DHRSX: variants seen among roughly 807,000 people sequenced by gnomAD.
DHRSX encodes polyprenol dehydrogenase.
Under a neutral mutation model 34.0 loss-of-function variants are expected in DHRSX, and 31 were observed. The ratio of observed to expected loss-of-function variants is 0.91; its 90% CI spans 0.69 to 1.23. The LOEUF (loss-of-function observed/expected upper bound fraction) is 1.23, where lower values mean the gene tolerates loss of function less well. Ranked by LOEUF, DHRSX falls within the 50% of genes most tolerant of loss-of-function variation. The probability of loss-of-function intolerance (pLI) is 0.00; values close to 1 mark genes in which losing one functional copy is unlikely to be tolerated. For synonymous variants in DHRSX, 201 were observed against 183.8 expected, an observed-to-expected ratio of 1.09 and a Z score of -0.76; for missense variants, 414 against 428.1, an observed-to-expected ratio of 0.97 and a Z score of 0.29.
At chrX:2,224,689 CAAAT>C (rs1399000135) in intron 6 of DHRSX, among the ~76,000 whole-genome samples, 8 of 152,032 alleles carry the variant, frequency 5.3e-5, no homozygotes, top group Admixed American at 2.0e-4. Flanking sequence ...CACATGCACA[CAAAT>C]ATATATACAC....
rs145841322 is a variant in DHRSX at position 2,364,880 on chromosome X, A to G, written c.286+43865T>C. On this transcript the variant is annotated intron_variant, in intron 3 of 6. Coordinates refer to ENST00000334651, the MANE Select transcript of DHRSX (RefSeq NM_145177.3). ...CATTGATCACAATCTATCATTGACC[A>G]TTACTATCTATCTAGCTATTATCTA... 4.9e-3 allele frequency among the ~76,000 whole-genome samples: 744 copies of G among 152,294 alleles called. 12 individuals carry two copies. Among genetic ancestry groups the G allele is most frequent in the African/African-American group, 0.017 (703 of 41,566 alleles).
intron 2 of DHRSX, among the ~76,000 whole-genome samples, chrX:2,411,457 G>T (rs1161684228): frequency 6.6e-6 from 1 of 150,946 alleles, no homozygotes; most frequent in Non-Finnish European, 1.5e-5. Context: ...GCGGAGGCAG[G>T]AGAATTGCTT....
intron 5 of DHRSX, among the ~76,000 whole-genome samples, chrX:2,245,580 G>A (rs1251184269): frequency 6.6e-6 from 1 of 151,102 alleles, no homozygotes. Flanking sequence ...AAAGTGCTGG[G>A]ATTACAGGCG....
chrX:2,330,057 A>T (rs2042437857), intron 3 of DHRSX, among the ~76,000 whole-genome samples: 2 of 28,584 alleles, frequency 7.0e-5, no homozygotes, highest in African/African-American at 2.4e-4. Context: ...TGAATGAGAG[A>T]GAAGCAGAGA....
chrX:2,452,992 G>C (rs1214323263), intron 1 of DHRSX, among the ~76,000 whole-genome samples: 1 of 152,174 alleles, frequency 6.6e-6, no homozygotes, highest in Non-Finnish European at 1.5e-5. Context: ...CAACAGATGA[G>C]TGCATCAAAC....
Position 2,490,393 on chromosome X carries a change from C to G in DHRSX, c.109+10424G>C, listed in dbSNP as rs199866649. 41 of 1,613,692 alleles carry G rather than the reference C, an allele frequency of 2.5e-5. No homozygotes were observed. In the Middle Eastern group the frequency reaches 5.0e-4, roughly 20 times the overall value. Reference sequence around the variant, plus strand: ...AGCCGTGGCCGGCCTTGACGGCCAGCGCGTCCTGCCCGGGCTGCTGGGACG... The same window carrying G: ...AGCCGTGGCCGGCCTTGACGGCCAGGGCGTCCTGCCCGGGCTGCTGGGACG... On this transcript the variant is annotated intron_variant, in intron 1 of 6. Transcript: ENST00000334651.
intron 3 of DHRSX, among the ~76,000 whole-genome samples, chrX:2,314,489 GGGAGGTAAA>G (rs1372245683): frequency 8.2e-5 from 5 of 60,960 alleles, no homozygotes; most frequent in African/African-American, 1.7e-4. Flanking sequence ...AAGGAAGGAA[GGGAGGTAAA>G]GGAGGTAAGG....
chrX:2,373,503 C>A lies in DHRSX; in HGVS notation c.286+35242G>T, dbSNP rs149124369. On this transcript the variant is annotated intron_variant, in intron 3 of 6. Transcript: ENST00000334651. The stretch of plus-strand genomic sequence containing the variant: ...ACGCCAGAATTAGGGGGTCTCTAGT[C>A]CCCCAGCTCTAATGCTTTCCAAGCA... Among the ~76,000 whole-genome samples the A allele has an allele frequency of 7.0e-3, 1,063 of 152,290 alleles. 7 individuals are homozygous for A. The highest frequency in any genetic ancestry group is 0.01 in the South Asian group (50 of 4,822).
intron 3 of DHRSX, among the ~76,000 whole-genome samples, chrX:2,307,062 G>A (rs2042106850): frequency 6.6e-6 from 1 of 151,854 alleles, no homozygotes; most frequent in African/African-American, 2.4e-5. Flanking sequence ...CAGCCCAGGT[G>A]TCCATCAATT....
chrX:2,344,319 T>C (rs1023883437), intron 3 of DHRSX, among the ~76,000 whole-genome samples: 2 of 152,156 alleles, frequency 1.3e-5, no homozygotes, highest in African/African-American at 2.4e-5. Context: ...CCAGTTAGAA[T>C]GGCGATCACT....
chrX:2,445,344 G>A (rs1166674116), intron 1 of DHRSX, among the ~76,000 whole-genome samples: 1 of 151,946 alleles, frequency 6.6e-6, no homozygotes, highest in African/African-American at 2.4e-5. Context: ...ATAAGCCCAC[G>A]TCCTATGTGT....
At chrX:2,269,332 CA>C (rs1054628427) in intron 4 of DHRSX, among the ~76,000 whole-genome samples, 9 of 152,074 alleles carry the variant, frequency 5.9e-5, no homozygotes, top group African/African-American at 2.2e-4. Context: ...CATGCATCTG[CA>C]AGTGCACACA....
At chrX:2,491,831 A>G (rs751457346) in intron 1 of DHRSX, among the ~76,000 whole-genome samples, 1 of 152,326 alleles carries the variant, frequency 6.6e-6, no homozygotes, top group Non-Finnish European at 1.5e-5. Context: ...AACATCAGGC[A>G]GTCGGTGTGG....
chrX:2,465,075 C>T (rs749396293), intron 1 of DHRSX, among the ~76,000 whole-genome samples: 1 of 151,802 alleles, frequency 6.6e-6, no homozygotes, highest in Admixed American at 6.6e-5. Flanking sequence ...GCCAAGGGAC[C>T]TCACTGAAGA....
At chrX:2,253,950 A>G (rs2016501245) in intron 5 of DHRSX, among the ~76,000 whole-genome samples, 1 of 152,000 alleles carries the variant, frequency 6.6e-6, no homozygotes, top group African/African-American at 2.4e-5. Flanking sequence ...AGTCCCAGCT[A>G]CTCGGGAGGT....
At chrX:2,225,199 T>C (rs930081100) in intron 6 of DHRSX, among the ~76,000 whole-genome samples, 4 of 145,412 alleles carry the variant, frequency 2.8e-5, no homozygotes, top group Admixed American at 6.9e-5. Context: ...ATGCACACAT[T>C]TGCATGCACA....
rs59435030 is a variant in DHRSX at position 2,370,590 on chromosome X, G to GA, written c.286+38154dup. The stretch of plus-strand genomic sequence containing the variant: ...TTGTCTTCCAGAAAATGGTTTTACT[G>GA]AAAAAAAAAAAAAAAAAATTCCCTT... On this transcript the variant is annotated intron_variant, in intron 3 of 6. Coordinates refer to ENST00000334651, the MANE Select transcript of DHRSX (RefSeq NM_145177.3). Among the ~76,000 whole-genome samples, 567 of 132,656 alleles carry GA rather than the reference G, an allele frequency of 4.3e-3. 7 individuals carry two copies. The highest frequency in any genetic ancestry group is 0.01 in the South Asian group (42 of 4,088). 87.0% of individuals were successfully genotyped at this position (132,656 alleles called of 152,430 possible).
chrX:2,342,053 G>A (rs2042647438), intron 3 of DHRSX, among the ~76,000 whole-genome samples: 2 of 152,042 alleles, frequency 1.3e-5, no homozygotes, highest in Non-Finnish European at 2.9e-5. Context: ...TGATCTGTCC[G>A]CCTCGGCCTC....
intron 5 of DHRSX, among the ~76,000 whole-genome samples, chrX:2,254,640 G>A (rs912625215): frequency 6.6e-6 from 1 of 152,044 alleles, no homozygotes; most frequent in African/African-American, 2.4e-5. Flanking sequence ...AATAAAGAGA[G>A]GTTTTTTTTG....
Sources: gnomAD v4.1 joint callset for allele counts (sites outside exome capture counted in the v4.1 genomes callset) on GRCh38, gnomAD v4.1.1 for gene constraint, MANE v1.5 for transcripts, NCBI Gene and HGNC (gene_info 2026-07-23, HGNC 2026-07-21) for gene names.